TMEM131: variants seen among roughly 807,000 people sequenced by gnomAD.
The protein encoded by TMEM131 is 2610524E03Rik.
Under a neutral mutation model 211.6 loss-of-function variants are expected in TMEM131, and 66 were observed. The observed-to-expected ratio is 0.31, with a 90% confidence interval of 0.26 to 0.38. The LOEUF (loss-of-function observed/expected upper bound fraction) is 0.38, where lower values mean the gene tolerates loss of function less well. Among genes scored for constraint, TMEM131 ranks in the 10% least tolerant of loss-of-function variants. The pLI is 1.00. For missense variants in TMEM131, 2,036 were observed against 2,299.3 expected (o/e 0.89, Z 2.34); for synonymous variants, 844 against 841.3 (o/e 1.00, Z -0.06).
chr2:97,806,915 C>T (rs970338390), intron 19 of TMEM131, among the ~76,000 whole-genome samples: 1 of 152,134 alleles, frequency 6.6e-6, no homozygotes, highest in Non-Finnish European at 1.5e-5. Flanking sequence ...CAGCAGAGGG[C>T]GGGCATGCAG....
At chr2:97,832,024 A>AAAAAAAAAAAAC (rs1553603074) in intron 11 of TMEM131, among the ~76,000 whole-genome samples, 1 of 150,626 alleles carries the variant, frequency 6.6e-6, no homozygotes, top group Non-Finnish European at 1.5e-5. Flanking sequence ...AAAAAAAAAA[A>AAAAAAAAAAAAC]AAGCAGCTCT....
rs1675939025 is a variant in TMEM131 at position 97,903,431 on chromosome 2, T to C, written c.290+5227A>G. Among the ~76,000 whole-genome samples, 4 of 152,348 alleles carry C rather than the reference T, an allele frequency of 2.6e-5. No homozygotes were observed. In the South Asian group the frequency reaches 8.3e-4, roughly 32 times the overall value. On this transcript the variant is annotated intron_variant, in intron 3 of 40. Transcript: ENST00000186436. The stretch of plus-strand genomic sequence containing the variant: ...TAGAAAACCCAGCCAGCGCAATAAC[T>C]GTTCCAGGCAAGAATCATCAGTAGA...
At chr2:97,882,670 C>A (rs1462934826) in intron 4 of TMEM131, among the ~76,000 whole-genome samples, 1 of 152,192 alleles carries the variant, frequency 6.6e-6, no homozygotes. Flanking sequence ...CTTGCTTAAC[C>A]AGCTCTCTCA....
At chr2:97,829,948 A>C (rs1213719565) in intron 11 of TMEM131, among the ~76,000 whole-genome samples, 1 of 152,182 alleles carries the variant, frequency 6.6e-6, no homozygotes, top group African/African-American at 2.4e-5. Context: ...ACTATTAGTA[A>C]GAATTTAAAA....
chr2:97,953,481 TA>T (rs1355412913), intron 1 of TMEM131, among the ~76,000 whole-genome samples: 3 of 152,008 alleles, frequency 2.0e-5, no homozygotes, highest in Admixed American at 2.0e-4. Context: ...AATCCATCAA[TA>T]AAAAAATACT....
chr2:97,954,378 T>C (rs558838273), intron 1 of TMEM131, among the ~76,000 whole-genome samples: 2 of 152,360 alleles, frequency 1.3e-5, no homozygotes, highest in East Asian at 3.9e-4. Context: ...AATGAATAAC[T>C]TTATGCTCAT....
At chr2:97,806,922 G>A (rs980327962) in intron 19 of TMEM131, among the ~76,000 whole-genome samples, 1 of 152,172 alleles carries the variant, frequency 6.6e-6, no homozygotes, top group Non-Finnish European at 1.5e-5. Context: ...GGGCGGGCAT[G>A]CAGCTGCAAT....
At chr2:97,880,151 T>TTTTTTTTTTTTTTTTTTTTTTTTTTTG (rs1156959853) in intron 4 of TMEM131, among the ~76,000 whole-genome samples, 1 of 152,164 alleles carries the variant, frequency 6.6e-6, no homozygotes, top group African/African-American at 2.4e-5. Flanking sequence ...AAACTATCTT[T>TTTTTTTTTTTTTTTTTTTTTTTTTTTG]AGAGGGGAGA....
At chr2:97,892,049 C>T (rs1299015046) in intron 3 of TMEM131, among the ~76,000 whole-genome samples, 1 of 152,076 alleles carries the variant, frequency 6.6e-6, no homozygotes, top group Non-Finnish European at 1.5e-5. Flanking sequence ...GCTAAATAAA[C>T]AGTGATTTAA....
chr2:97,846,390 T>C (rs1683431522), intron 5 of TMEM131, among the ~76,000 whole-genome samples: 1 of 152,170 alleles, frequency 6.6e-6, no homozygotes, highest in African/African-American at 2.4e-5. Flanking sequence ...TAGTTCAACA[T>C]TCAAAAATCA....
chr2:97,782,822 G>C (rs1680073464), intron 31 of TMEM131, among the ~76,000 whole-genome samples: 1 of 151,932 alleles, frequency 6.6e-6, no homozygotes, highest in Non-Finnish European at 1.5e-5. Flanking sequence ...GAGCTTCAGG[G>C]ACCCGTGTAA....
intron 4 of TMEM131, among the ~76,000 whole-genome samples, chr2:97,881,133 G>A (rs1674908013): frequency 6.6e-6 from 1 of 152,162 alleles, no homozygotes; most frequent in Non-Finnish European, 1.5e-5. Context: ...CATGGCATCA[G>A]TCCTCCGGCT....
chr2:97,966,539 A>G (rs1284603758), intron 1 of TMEM131, among the ~76,000 whole-genome samples: 1 of 152,150 alleles, frequency 6.6e-6, no homozygotes, highest in Non-Finnish European at 1.5e-5. Context: ...TGTCTGACAC[A>G]GTGGCCCTCA....
At chr2:97,827,309 C>A (rs531645313) in intron 11 of TMEM131, 48 of 786,646 alleles carry the variant, frequency 6.1e-5, no homozygotes, top group Middle Eastern at 2.3e-4. Context: ...AAGAGGAGAT[C>A]GGCGCGGTTG....
intron 1 of TMEM131, among the ~76,000 whole-genome samples, chr2:97,968,547 T>C (rs1036355163): frequency 3.3e-5 from 5 of 152,044 alleles, no homozygotes; most frequent in African/African-American, 1.2e-4. Flanking sequence ...GGAAAATGAG[T>C]TCTCCCTTTG....
chr2:97,910,726 G>GT (rs145670774), intron 2 of TMEM131, among the ~76,000 whole-genome samples: 9 of 151,366 alleles, frequency 5.9e-5, no homozygotes, highest in Middle Eastern at 3.2e-3. Context: ...GTGATGATGA[G>GT]TTTTTTTTTC....
chr2:97,861,568 G>A (rs1674068806), intron 4 of TMEM131, among the ~76,000 whole-genome samples: 2 of 151,954 alleles, frequency 1.3e-5, no homozygotes, highest in South Asian at 4.2e-4. Flanking sequence ...GTGAATACTG[G>A]TGGTAGCCTG....
chr2:97,873,907 G>C (rs1674587492), intron 4 of TMEM131, among the ~76,000 whole-genome samples: 1 of 152,248 alleles, frequency 6.6e-6, no homozygotes, highest in South Asian at 2.1e-4. Flanking sequence ...CAGAAGGTGG[G>C]TAATAACAAA....
intron 3 of TMEM131, among the ~76,000 whole-genome samples, chr2:97,903,488 A>G (rs1288039479): frequency 6.6e-6 from 1 of 152,210 alleles, no homozygotes; most frequent in Non-Finnish European, 1.5e-5. Flanking sequence ...CATGTAAAAC[A>G]CAGTACTTGC....
Sources: gnomAD v4.1 joint callset for allele counts (sites outside exome capture counted in the v4.1 genomes callset) on GRCh38, gnomAD v4.1.1 for gene constraint, MANE v1.5 for transcripts, NCBI Gene and HGNC (gene_info 2026-07-23, HGNC 2026-07-21) for gene names.